The following WDR59 variants were observed in gnomAD, a reference collection of about 807,000 sequenced individuals.
The protein encoded by WDR59 is GATOR2 complex protein WDR59.
Under a neutral mutation model 131.2 loss-of-function variants are expected in WDR59, and 100 were observed. That is an observed-to-expected ratio of 0.76 (90% CI 0.65 to 0.90). The LOEUF (loss-of-function observed/expected upper bound fraction) is 0.90, where lower values mean the gene tolerates loss of function less well. Among genes scored for constraint, WDR59 ranks in the 40% least tolerant of loss-of-function variants. The probability of loss-of-function intolerance (pLI) is 0.00; values close to 1 mark genes in which losing one functional copy is unlikely to be tolerated. For synonymous variants in WDR59, 601 were observed against 466.2 expected, an observed-to-expected ratio of 1.29 and a Z score of -3.72; for missense variants, 1,203 against 1,262.2, an observed-to-expected ratio of 0.95 and a Z score of 0.71.
rs533531405 is a variant in WDR59, at chr16:74,977,848, CAAG to C, written c.54+7113_54+7115del. 9.2e-5 allele frequency among the ~76,000 whole-genome samples: 14 copies of C among 152,278 alleles called. No homozygotes were observed. In the South Asian group the frequency reaches 2.5e-3, roughly 27 times the overall value. On this transcript the variant is annotated intron_variant, in intron 1 of 25. Coordinates refer to ENST00000262144, the MANE Select transcript of WDR59 (RefSeq NM_030581.4). Reference sequence around the variant, plus strand: ...GTCTATATACTGGAACACTACTCAGCAAGAAGAAGGAATGCACTAACAGATAGG... The same window carrying C: ...GTCTATATACTGGAACACTACTCAGCAAGAAGGAATGCACTAACAGATAGG...
At position 74,929,368 on chromosome 16, in the gene WDR59, C is replaced by A. The variant is rs560536123; in HGVS notation, c.652-5365G>T. 7.9e-5 allele frequency among the ~76,000 whole-genome samples: 12 copies of A among 152,138 alleles called. No homozygotes were observed. In the South Asian group the frequency reaches 1.7e-3, roughly 21 times the overall value. On this transcript the variant is annotated intron_variant, in intron 8 of 25. Coordinates refer to ENST00000262144, the MANE Select transcript of WDR59 (RefSeq NM_030581.4). ...GGGATTATAGGCGTGAGCCACTGCG[C>A]CCGGCTGAACAGACATCTCTCAAAG...
At chr16:74,900,323 G>C (rs145290496) in intron 18 of WDR59, among the ~76,000 whole-genome samples, 103 of 152,198 alleles carry the variant, frequency 6.8e-4, no homozygotes, top group Non-Finnish European at 1.4e-3. Flanking sequence ...GGGAACCCTG[G>C]AGAAACGGGG....
intron 18 of WDR59, among the ~76,000 whole-genome samples, chr16:74,895,470 C>T (rs1965256909): frequency 6.6e-6 from 1 of 152,110 alleles, no homozygotes; most frequent in East Asian, 1.9e-4. Flanking sequence ...ACCATATTGG[C>T]CAGGCTGGTC....
rs1373624294 is a variant in WDR59 at position 74,888,407 on chromosome 16, G to C, written c.2196-88C>G. 5 of 1,341,616 alleles carry C rather than the reference G, an allele frequency of 3.7e-6. No individual in the cohort carries two copies. In the African/African-American group the frequency reaches 4.4e-5, roughly 12 times the overall value. The allele number at this position is 1,341,616 out of a possible 1,614,324, so 83.1% of individuals were successfully genotyped here. A position where few individuals can be genotyped will look rare whatever the true frequency, so the allele number is the denominator to read the frequency against. On this transcript the variant is annotated intron_variant, in intron 21 of 25. Transcript: ENST00000262144. ...ACAGTCATGGCGTGTTACTGCCACA[G>C]GGGTGGGAAGGGAGGAGTCTTGATT...
chr16:74,926,056 TA>T (rs1208025341), intron 8 of WDR59, among the ~76,000 whole-genome samples: 1 of 113,848 alleles, frequency 8.8e-6, no homozygotes, highest in African/African-American at 3.1e-5. Context: ...AAAAGTCTAA[TA>T]AATTTTTTTT....
intron 4 of WDR59, among the ~76,000 whole-genome samples, chr16:74,951,123 G>C (rs893243947): frequency 1.5e-5 from 2 of 137,708 alleles, no homozygotes; most frequent in African/African-American, 5.7e-5. Context: ...TCGCACCATT[G>C]CACTCCAGCC....
In WDR59 at chr16:74,912,228, G is replaced by T; in HGVS notation, c.1359C>A (p.Ile453=). The T allele has an allele frequency of 6.2e-7, 1 of 1,614,194 alleles. No homozygotes were observed. Residue 453 remains isoleucine (I), a synonymous_variant, in exon 14 of 26, where the codon ATC becomes ATA. Coordinates refer to ENST00000262144, the MANE Select transcript of WDR59 (RefSeq NM_030581.4). ...GCAGCTTAGCTTTCATGGTGGATGT[G>T]ATGGTTGTGGGGTTAATAAACTGGA... is the stretch of plus-strand genomic sequence containing the variant. ...PSFQFINPTT[I]TSTMKAKLLK... is the part of the protein sequence containing the mutation.
intron 18 of WDR59, among the ~76,000 whole-genome samples, chr16:74,899,380 C>G (rs1203473956): frequency 6.6e-6 from 1 of 152,208 alleles, no homozygotes; most frequent in Non-Finnish European, 1.5e-5. Flanking sequence ...AAAAATTACA[C>G]AAATGCTCCA....
intron 2 of WDR59, among the ~76,000 whole-genome samples, chr16:74,960,899 T>G (rs1182418602): frequency 6.6e-6 from 1 of 151,932 alleles, no homozygotes; most frequent in Non-Finnish European, 1.5e-5. Context: ...TAAAAAAAAT[T>G]TCTGTATCTT....
chr16:74,912,986 C>T (rs1232294028), intron 13 of WDR59, among the ~76,000 whole-genome samples: 1 of 151,466 alleles, frequency 6.6e-6, no homozygotes, highest in Non-Finnish European at 1.5e-5. Flanking sequence ...AGCCTTCCAG[C>T]GTGGGCATCA....
intron 25 of WDR59, among the ~76,000 whole-genome samples, chr16:74,877,313 GA>G (rs1345502269): frequency 6.6e-5 from 10 of 152,006 alleles, no homozygotes; most frequent in Middle Eastern, 3.4e-3. Flanking sequence ...ACTTTAAGAG[GA>G]AAAAAACAAC....
At chr16:74,904,189 A>T (rs1965693789) in intron 17 of WDR59, 89 bp from the exon 18 acceptor site, 1 of 1,473,946 alleles carries the variant, frequency 6.8e-7, no homozygotes, top group Non-Finnish European at 9.2e-7. Flanking sequence ...TACCAAAAGG[A>T]GAAGACAAAA....
chr16:74,961,779 A>G (rs2033578059), intron 2 of WDR59, among the ~76,000 whole-genome samples: 1 of 152,144 alleles, frequency 6.6e-6, no homozygotes, highest in Non-Finnish European at 1.5e-5. Context: ...GCTGTGCAGA[A>G]GCTTATTAGT....
At chr16:74,905,506 C>T (rs1438537182) in intron 17 of WDR59, among the ~76,000 whole-genome samples, 2 of 149,038 alleles carry the variant, frequency 1.3e-5, no homozygotes, top group Non-Finnish European at 3.0e-5. Flanking sequence ...ATGGTGAAAC[C>T]CCGTCTCTAT....
At position 74,942,822 on chromosome 16, in the gene WDR59, A is replaced by T; in HGVS notation, c.450T>A (p.Gly150=). The part of the protein sequence containing the change: ...KPTVALSAVA[G]ASQVKWNKKN... ...TTTTATTCCATTTGACCTGGGAGGC[A>T]CCCGCTGCAAAGAAAAATCAGGGAA... Residue 150 remains glycine, a synonymous_variant, in exon 7 of 26, where the codon GGT becomes GGA. Transcript: ENST00000262144. 2 of 1,613,410 alleles carry T rather than the reference A, an allele frequency of 1.2e-6. No homozygotes were observed. The highest frequency in any genetic ancestry group is 1.7e-6 in the Non-Finnish European group (2 of 1,179,754).
At chr16:74,936,054 T>C (rs1448770555) in intron 8 of WDR59, among the ~76,000 whole-genome samples, 4 of 151,374 alleles carry the variant, frequency 2.6e-5, no homozygotes, top group Non-Finnish European at 5.9e-5. Flanking sequence ...TCAAATACCA[T>C]GCCAAAAATC....
At chr16:74,914,939 T>A (rs542829474) in intron 13 of WDR59, among the ~76,000 whole-genome samples, 18 of 152,302 alleles carry the variant, frequency 1.2e-4, no homozygotes, top group African/African-American at 3.4e-4. Flanking sequence ...TAACAGCACA[T>A]ATTTGGGTAA....
intron 22 of WDR59, 147 bp from the exon 23 acceptor site, chr16:74,887,902 G>A: frequency 1.1e-6 from 1 of 891,186 alleles, no homozygotes. Flanking sequence ...TGGAACACCT[G>A]AGGTCAGGGG....
chr16:74,958,609 A>AAAAAAAAAAC (rs2033414823), intron 2 of WDR59, among the ~76,000 whole-genome samples: 1 of 143,224 alleles, frequency 7.0e-6, no homozygotes. Flanking sequence ...AAAAAAAAAA[A>AAAAAAAAAAC]AAAAAAAAAA....
Sources: gnomAD v4.1 joint callset for allele counts (sites outside exome capture counted in the v4.1 genomes callset) on GRCh38, gnomAD v4.1.1 for gene constraint, MANE v1.5 for transcripts, NCBI Gene and HGNC (gene_info 2026-07-23, HGNC 2026-07-21) for gene names.